Variants in CBLB observed in about 807,000 individuals in gnomAD.
The protein encoded by CBLB is Cbl proto-oncogene B.
In CBLB, 31 loss-of-function variants were observed where a neutral mutation model predicts 104.9. That is an observed-to-expected ratio of 0.30 (90% confidence interval 0.22 to 0.40). CBLB has a LOEUF of 0.40. Among genes scored for constraint, CBLB ranks in the 10% least tolerant of loss-of-function variants. The pLI, the probability that CBLB is intolerant of heterozygous loss-of-function variation, is 1.00. For missense variants in CBLB, 1,062 were observed against 1,214.6 expected (o/e 0.87, Z 1.87); for synonymous variants, 440 against 422.6 (o/e 1.04, Z -0.51).
intron 3 of CBLB, among the ~76,000 whole-genome samples, chr3:105,833,223 C>G (rs919516221): frequency 1.4e-4 from 22 of 152,332 alleles, no homozygotes; most frequent in African/African-American, 5.3e-4. Context: ...AGTTTCCATT[C>G]ATTCTGATCA....
chr3:105,806,079 T>C (rs1015605091), intron 3 of CBLB, among the ~76,000 whole-genome samples: 1 of 152,136 alleles, frequency 6.6e-6, no homozygotes, highest in African/African-American at 2.4e-5. Flanking sequence ...AAGAACAAGA[T>C]GAATGAAATT....
Position 105,678,590 on chromosome 3 carries a change from C to T in CBLB, c.2429-19G>A, listed in dbSNP as rs535066918. ...TCTTCACCTGCATTTAAAGAAAGGTCGATATCAGCAGCAGAACTTCATTAA... is the reference window on the plus strand; with the variant it reads ...TCTTCACCTGCATTTAAAGAAAGGTTGATATCAGCAGCAGAACTTCATTAA... On this transcript the variant is annotated intron_variant, in intron 16 of 18. Coordinates refer to ENST00000394030, the MANE Select transcript of CBLB (RefSeq NM_170662.5). 10 of 1,608,420 alleles carry T rather than the reference C, an allele frequency of 6.2e-6. No homozygotes were observed. The highest frequency in any genetic ancestry group is 7.6e-6 in the Non-Finnish European group (9 of 1,176,716).
chr3:105,678,606 A>C (rs1200193641), intron 16 of CBLB, 35 bp from the exon 17 acceptor site: 1 of 1,596,834 alleles, frequency 6.3e-7, no homozygotes, highest in South Asian at 1.1e-5. Flanking sequence ...CAGCAGCAGA[A>C]CTTCATTAAT....
chr3:105,833,939 C>T (rs9832082), intron 3 of CBLB, among the ~76,000 whole-genome samples: 1,832 of 151,944 alleles, frequency 0.012, 33 homozygotes, highest in African/African-American at 0.042. Context: ...ACTATTTTTC[C>T]AGACCTTAAG....
chr3:105,806,479 C>CAAA (rs367966052), intron 3 of CBLB, among the ~76,000 whole-genome samples: 99,212 of 124,938 alleles, frequency 0.79, 39,815 homozygotes, highest in Middle Eastern at 0.85. Flanking sequence ...ACTAAAACCT[C>CAAA]AAAAAAAAAA....
rs2065725226 is a variant in CBLB at position 105,677,009 on chromosome 3, C to A, written c.2569+1422G>T. 1.3e-5 allele frequency among the ~76,000 whole-genome samples: 2 copies of A among 152,164 alleles called. 1 individual carries two copies. Among genetic ancestry groups the A allele is most frequent in the Admixed American group, 1.3e-4 (2 of 15,278 alleles). On this transcript the variant is annotated intron_variant, in intron 17 of 18. Coordinates refer to ENST00000394030, the MANE Select transcript of CBLB (RefSeq NM_170662.5). Reference sequence around the variant, plus strand: ...CATGCAGAACTGTGAAGCAATGAAACCCCTTTTCTTTACAAATTACCTAGT... The same window carrying A: ...CATGCAGAACTGTGAAGCAATGAAAACCCTTTTCTTTACAAATTACCTAGT...
intron 3 of CBLB, among the ~76,000 whole-genome samples, chr3:105,823,427 G>A (rs1052533096): frequency 1.6e-4 from 25 of 152,086 alleles, no homozygotes; most frequent in Non-Finnish European, 7.4e-5. Context: ...TCCCTTAGTG[G>A]TCACAGCAAT....
intron 9 of CBLB, among the ~76,000 whole-genome samples, chr3:105,725,968 C>A (rs144917448): frequency 9.9e-4 from 151 of 152,228 alleles, no homozygotes; most frequent in South Asian, 3.9e-3. Flanking sequence ...ACCTGTGCCT[C>A]AGCCTCCCAA....
intron 3 of CBLB, among the ~76,000 whole-genome samples, chr3:105,804,999 A>G (rs2083328185): frequency 6.6e-6 from 1 of 152,118 alleles, no homozygotes; most frequent in Non-Finnish European, 1.5e-5. Flanking sequence ...ACCCACCACC[A>G]CAGTAGTTGC....
intron 3 of CBLB, among the ~76,000 whole-genome samples, chr3:105,788,693 T>C (rs1433450720): frequency 1.3e-5 from 2 of 152,158 alleles, no homozygotes; most frequent in African/African-American, 4.8e-5. Context: ...GCTCAATCTG[T>C]AAAAAATTAA....
chr3:105,771,637 C>G (rs543260302), intron 4 of CBLB, among the ~76,000 whole-genome samples: 1 of 152,172 alleles, frequency 6.6e-6, no homozygotes, highest in African/African-American at 2.4e-5. Context: ...AGAAAAGCCT[C>G]AAGATTCATC....
At position 105,669,361 on chromosome 3, in the gene CBLB, G is replaced by A. The variant is rs1472066157; in HGVS notation, c.2689+872C>T. Among the ~76,000 whole-genome samples, 4 of 152,188 alleles carry A rather than the reference G, an allele frequency of 2.6e-5. No homozygotes were observed. In the South Asian group the frequency reaches 6.2e-4, roughly 24 times the overall value. ...CCTTGCCCTTGTGAGGACACAGTAT[G>A]AAGGCAGTTATCTATGAACCTGGAA... On this transcript the variant is annotated intron_variant, in intron 18 of 18. Transcript: ENST00000394030.
At chr3:105,840,048 G>T (rs1156677346) in intron 3 of CBLB, among the ~76,000 whole-genome samples, 1 of 152,168 alleles carries the variant, frequency 6.6e-6, no homozygotes, top group Non-Finnish European at 1.5e-5. Context: ...CTGGAAAAAA[G>T]AATAAAATTG....
Position 105,704,024 on chromosome 3 carries a change from A to C in CBLB, c.1557T>G (p.Val519=). 6.2e-7 allele frequency: 1 copy of C among 1,614,178 alleles called. No homozygotes were observed. The highest frequency in any genetic ancestry group is 8.5e-7 in the Non-Finnish European group (1 of 1,180,004). The change falls in exon 11 of 19, where the codon GTT becomes GTG. Residue 519 remains valine, a synonymous_variant. Coordinates refer to ENST00000394030, the MANE Select transcript of CBLB (RefSeq NM_170662.5). ...PRLDLIQKGI[V]RSPCGSPTGS... is the part of the protein sequence containing the mutation. Reference sequence around the variant, plus strand: ...CCGTTGGGCTGCCACAGGGAGATCTAACTATGCCTTTCTGAATTAGATCCA... The same window carrying C: ...CCGTTGGGCTGCCACAGGGAGATCTCACTATGCCTTTCTGAATTAGATCCA...
At chr3:105,732,257 T>A (rs964602900) in intron 9 of CBLB, among the ~76,000 whole-genome samples, 1 of 152,200 alleles carries the variant, frequency 6.6e-6, no homozygotes, top group Admixed American at 6.5e-5. Flanking sequence ...TGCAAACAAT[T>A]CTGTCTTCTA....
chr3:105,734,749 C>T (rs1397039446), intron 8 of CBLB, among the ~76,000 whole-genome samples: 1 of 152,166 alleles, frequency 6.6e-6, no homozygotes, highest in African/African-American at 2.4e-5. Flanking sequence ...AACTTGTTTG[C>T]TTCAAACTCT....
intron 2 of CBLB, among the ~76,000 whole-genome samples, chr3:105,864,184 G>T (rs1474462471): frequency 6.6e-6 from 1 of 152,064 alleles, no homozygotes; most frequent in South Asian, 2.1e-4. Flanking sequence ...CTGTACTTGG[G>T]GTTTGTAATA....
intron 9 of CBLB, among the ~76,000 whole-genome samples, chr3:105,731,607 C>G (rs1373130306): frequency 6.6e-6 from 1 of 151,818 alleles, no homozygotes; most frequent in Non-Finnish European, 1.5e-5. Context: ...AGGCAAACAA[C>G]TATTTTATTA....
intron 4 of CBLB, among the ~76,000 whole-genome samples, chr3:105,753,416 T>C (rs2076766153): frequency 6.6e-6 from 1 of 152,144 alleles, no homozygotes. Flanking sequence ...TAGGAAGCTG[T>C]TGATTTACAA....
Sources: allele counts gnomAD v4.1 joint callset (sites outside exome capture counted in the v4.1 genomes callset), GRCh38; gene constraint gnomAD v4.1.1; transcripts MANE v1.5; gene names NCBI Gene and HGNC (gene_info 2026-07-23, HGNC 2026-07-21).